Variants in SMG6 observed in about 807,000 individuals in gnomAD.
The protein encoded by SMG6 is SMG6 nonsense mediated mRNA decay factor.
In SMG6, 66 loss-of-function variants were observed where a neutral mutation model predicts 142.2. That is an observed-to-expected ratio of 0.46 (90% CI 0.38 to 0.57). The LOEUF (loss-of-function observed/expected upper bound fraction) is 0.57, where lower values mean the gene tolerates loss of function less well. SMG6 is among the 20% of genes least tolerant of loss of function. The pLI is 0.00. For missense variants in SMG6, 1,793 were observed against 1,832.0 expected, an observed-to-expected ratio of 0.98 and a Z score of 0.39; for synonymous variants, 779 against 702.4, an observed-to-expected ratio of 1.11 and a Z score of -1.72.
intron 16 of SMG6, among the ~76,000 whole-genome samples, chr17:2,067,815 C>A (rs2067993490): frequency 6.6e-6 from 1 of 152,186 alleles, no homozygotes; most frequent in Non-Finnish European, 1.5e-5. Flanking sequence ...TTTCCACCCC[C>A]ATCTGGCACT....
At chr17:2,166,625 A>G (rs140661069) in intron 13 of SMG6, among the ~76,000 whole-genome samples, 19 of 152,198 alleles carry the variant, frequency 1.2e-4, no homozygotes, top group East Asian at 5.8e-4. Context: ...ACCCTGGCTA[A>G]TTTTTATGTT....
chr17:2,219,638 A>C (rs1455071549), intron 10 of SMG6, among the ~76,000 whole-genome samples: 1 of 151,800 alleles, frequency 6.6e-6, no homozygotes, highest in African/African-American at 2.4e-5. Context: ...AATATTTGAA[A>C]ATCAGATGGG....
intron 13 of SMG6, among the ~76,000 whole-genome samples, chr17:2,124,917 C>T (rs1343961162): frequency 1.3e-5 from 2 of 152,168 alleles, no homozygotes; most frequent in Non-Finnish European, 2.9e-5. Context: ...CACCGAAAGG[C>T]ATTTTTTGTT....
At chr17:2,095,183 C>A (rs569758648) in intron 13 of SMG6, 1 of 152,386 alleles carries the variant, frequency 6.6e-6, no homozygotes, top group East Asian at 1.9e-4. Flanking sequence ...GCAGGCTCAG[C>A]CCCTGGGGAT....
intron 13 of SMG6, among the ~76,000 whole-genome samples, chr17:2,154,375 G>A (rs367832878): frequency 5.7e-4 from 87 of 152,216 alleles, no homozygotes; most frequent in African/African-American, 2.0e-3. Context: ...AGAGTGTGAC[G>A]GGGCTGAGGG....
chr17:2,236,743 ACACACACAC>A (rs1439323864), intron 9 of SMG6, 106 bp from the exon 10 acceptor site: 1 of 979,152 alleles, frequency 1.0e-6, no homozygotes, highest in Non-Finnish European at 1.4e-6. Context: ...ACACACACAC[ACACACACAC>A]CAGACAACTA....
intron 1 of SMG6, among the ~76,000 whole-genome samples, chr17:2,301,940 C>G (rs1211865922): frequency 6.6e-6 from 1 of 151,934 alleles, no homozygotes; most frequent in Non-Finnish European, 1.5e-5. Flanking sequence ...ATCAAGTACA[C>G]AAATGGAATG....
chr17:2,168,554 C>T (rs2071409481), intron 13 of SMG6, among the ~76,000 whole-genome samples: 1 of 152,076 alleles, frequency 6.6e-6, no homozygotes, highest in African/African-American at 2.4e-5. Context: ...GGAAATGACC[C>T]ATGTGAGCTT....
intron 13 of SMG6, among the ~76,000 whole-genome samples, chr17:2,172,260 AG>A (rs2151651321): frequency 6.6e-6 from 1 of 150,980 alleles, no homozygotes; most frequent in East Asian, 2.0e-4. Context: ...TCCTCAGAGA[AG>A]GGAAAAAGCC....
chr17:2,073,708 C>CAAAAA (rs1309950009), intron 15 of SMG6, among the ~76,000 whole-genome samples: 3 of 70,264 alleles, frequency 4.3e-5, no homozygotes, highest in Admixed American at 1.7e-4. Flanking sequence ...GACTCCGTCT[C>CAAAAA]AAAAAAAAAA....
chr17:2,156,393 CAAAAAAAAA>C (rs34203812), intron 13 of SMG6, among the ~76,000 whole-genome samples: 20 of 55,410 alleles, frequency 3.6e-4, no homozygotes, highest in Admixed American at 9.5e-4. Flanking sequence ...CACTCCTTCT[CAAAAAAAAA>C]AAAAAAAAAA....
intron 10 of SMG6, among the ~76,000 whole-genome samples, chr17:2,201,962 T>TAC (rs1168781986): frequency 3.6e-4 from 54 of 151,944 alleles, no homozygotes; most frequent in Non-Finnish European, 6.6e-4. Flanking sequence ...AGGTGGAGGT[T>TAC]GTAGTGAGCT....
intron 13 of SMG6, among the ~76,000 whole-genome samples, chr17:2,099,861 C>T (rs1179710115): frequency 6.6e-6 from 1 of 152,040 alleles, no homozygotes; most frequent in African/African-American, 2.4e-5. Context: ...TGCAGATTCC[C>T]GAACTCCACT....
intron 1 of SMG6, among the ~76,000 whole-genome samples, chr17:2,302,840 A>G (rs537108388): frequency 6.6e-6 from 1 of 152,280 alleles, no homozygotes; most frequent in East Asian, 1.9e-4. Flanking sequence ...AGCTATTCCT[A>G]CTACTTTCTA....
chr17:2,124,027 T>C (rs1253697231), intron 13 of SMG6, among the ~76,000 whole-genome samples: 1 of 152,180 alleles, frequency 6.6e-6, no homozygotes, highest in East Asian at 1.9e-4. Flanking sequence ...CACTCCTGTG[T>C]ACAGCTCAAG....
chr17:2,089,718 G>C (rs2068660447), intron 13 of SMG6: 1 of 152,034 alleles, frequency 6.6e-6, no homozygotes. Flanking sequence ...CGATACCGGA[G>C]GCTGTTCTCT....
At position 2,300,339 on chromosome 17, in the gene SMG6, T is replaced by C. The variant is rs201631810; in HGVS notation, c.414A>G (p.Thr138=). 4.2e-5 allele frequency: 67 copies of C among 1,613,940 alleles called. No homozygotes were observed. In the African/African-American group the frequency reaches 8.7e-4, roughly 21 times the overall value. The change falls in exon 2 of 19, where the codon ACA becomes ACG. Residue 138 remains threonine (T), a synonymous_variant. Coordinates refer to ENST00000263073, the MANE Select transcript of SMG6 (RefSeq NM_017575.5). ...GATAGATCTGCAGGTCGGGTTTCTT[T>C]GTTCTTTTGATAATTTTTAGACTAC... ...EDRSLKIIKR[T]KKPDLQIYQP... is the part of the protein sequence containing the mutation.
chr17:2,280,755 C>T (rs1025786267), intron 8 of SMG6, among the ~76,000 whole-genome samples: 2 of 151,966 alleles, frequency 1.3e-5, no homozygotes, highest in Non-Finnish European at 2.9e-5. Flanking sequence ...AAGTTTTTAC[C>T]AAAAATATAT....
chr17:2,233,175 T>C (rs980816289), intron 10 of SMG6: 2 of 152,168 alleles, frequency 1.3e-5, no homozygotes, highest in Admixed American at 6.5e-5. Context: ...TCACACTCCT[T>C]AGGCACCACA....
Sources: gnomAD v4.1 joint callset for allele counts (sites outside exome capture counted in the v4.1 genomes callset) on GRCh38, gnomAD v4.1.1 for gene constraint, MANE v1.5 for transcripts, NCBI Gene and HGNC (gene_info 2026-07-23, HGNC 2026-07-21) for gene names.